Variants in CSF2RA observed in about 807,000 individuals in gnomAD.
The protein encoded by CSF2RA is colony stimulating factor 2 receptor subunit alpha.
A neutral mutation model predicts 51.6 loss-of-function variants in CSF2RA; 42 were observed. That is an observed-to-expected ratio of 0.81 (90% CI 0.64 to 1.05). CSF2RA has a LOEUF of 1.05. Ranked by LOEUF, CSF2RA falls within the 50% of genes least tolerant of loss-of-function variation. The pLI is 0.00. For synonymous variants in CSF2RA, 222 were observed against 193.0 expected (o/e 1.15, Z -1.24); for missense variants, 530 against 501.1 (o/e 1.06, Z -0.55).
rs1320063916 is a variant in CSF2RA at position 1,275,348 on chromosome X, G to A, written c.-27+530G>A. 2.0e-5 allele frequency among the ~76,000 whole-genome samples: 3 copies of A among 151,444 alleles called. No homozygotes were observed. The Admixed American group carries it at 2.0e-4, about 10-fold the overall frequency. On this transcript the variant is annotated intron_variant, in intron 2 of 12. Coordinates refer to ENST00000381529, the MANE Select transcript of CSF2RA (RefSeq NM_172245.4). ...GTAGGTTGCAGTGAGCCAAGATCGC[G>A]CCACTGCACTCCAGCCTGGGCAACA... is the stretch of plus-strand genomic sequence containing the variant.
At chrX:1,272,625 T>C (rs1442866784) in intron 1 of CSF2RA, among the ~76,000 whole-genome samples, 17 of 150,910 alleles carry the variant, frequency 1.1e-4, no homozygotes, top group African/African-American at 3.6e-4. Context: ...GTAGCTGCGA[T>C]TACAGGCACC....
chrX:1,325,039 A>G, the CSF2RA span, among the ~76,000 whole-genome samples: 1 of 151,788 alleles, frequency 6.6e-6, no homozygotes. Flanking sequence ...TTTTCCAGAG[A>G]GGTGTACCTG....
chrX:1,301,535 C>T (rs187903608), intron 10 of CSF2RA, among the ~76,000 whole-genome samples: 7 of 150,474 alleles, frequency 4.7e-5, no homozygotes, highest in Admixed American at 3.3e-4. Context: ...AGTCTTTGTC[C>T]GGTCAAACCG....
chrX:1,283,155 G>GTTCC (rs2090244825), intron 3 of CSF2RA, among the ~76,000 whole-genome samples: 3 of 68,148 alleles, frequency 4.4e-5, no homozygotes, highest in African/African-American at 1.5e-4. Flanking sequence ...TCCTTCCTTC[G>GTTCC]TTCCTTCCTT....
chrX:1,294,544 A>G, intron 8 of CSF2RA, 83 bp downstream of exon 8: 1 of 1,587,154 alleles, frequency 6.3e-7, no homozygotes, highest in African/African-American at 1.3e-5. Flanking sequence ...ATCCCGGGGA[A>G]GTGGCCTGGG....
At chrX:1,311,668 T>TC (rs746640519), downstream of CSF2RA, among the ~76,000 whole-genome samples, 1,785 of 152,234 alleles carry the variant, frequency 0.012, 39 homozygotes, top group African/African-American at 0.041. Flanking sequence ...CTGGTCTCCA[T>TC]CTGACCTCGT....
At chrX:1,324,428 GAA>G in the CSF2RA span, among the ~76,000 whole-genome samples, 2 of 114,918 alleles carry the variant, frequency 1.7e-5, no homozygotes, top group African/African-American at 5.7e-5. Flanking sequence ...GAAAAAGAAA[GAA>G]GAGAGAGAGA....
chrX:1,317,594 G>A, the CSF2RA span, among the ~76,000 whole-genome samples: 1 of 147,328 alleles, frequency 6.8e-6, no homozygotes, highest in African/African-American at 2.5e-5. Flanking sequence ...TTGAGACGGA[G>A]TCTTGCTCTT....
In CSF2RA at chrX:1,309,751, G is replaced by T; in HGVS notation, c.*272G>T. The T allele has an allele frequency of 1.4e-6, 1 of 695,460 alleles. No individual in the cohort carries two copies. The highest frequency in any genetic ancestry group is 1.7e-5 in the South Asian group (1 of 60,472). The allele number at this position is 695,460 out of a possible 1,614,324, so 43.1% of individuals were successfully genotyped here. On this transcript the variant is annotated 3_prime_UTR_variant, in exon 13 of 13. Transcript: ENST00000381529. ...AAAATGCAGAAATTTACCCAGGCAC[G>T]GCGGCGGACGCCCATCATCCCAGCT...
At chrX:1,311,621 G>T (rs181410890), downstream of CSF2RA, among the ~76,000 whole-genome samples, 3 of 151,766 alleles carry the variant, frequency 2.0e-5, no homozygotes, top group African/African-American at 7.3e-5. Context: ...TTTGTTTTGT[G>T]TTTTAGTAGA....
intron 10 of CSF2RA, among the ~76,000 whole-genome samples, 193 bp from the exon 11 acceptor site, chrX:1,303,728 TAG>T (rs1491537322): frequency 6.6e-6 from 1 of 152,008 alleles, no homozygotes; most frequent in Non-Finnish European, 1.5e-5. Context: ...GGGCAAAACA[TAG>T]GGCAGGCAGG....
chrX:1,284,196 T>TC lies in CSF2RA; in HGVS notation c.76+1417_76+1418insC, dbSNP rs201041623. On this transcript the variant is annotated intron_variant, in intron 3 of 12. Coordinates refer to ENST00000381529, the MANE Select transcript of CSF2RA (RefSeq NM_172245.4). ...AAGCGGTTTTCTTTCTCTGTCTCTC[T>TC]TTTTTTTTTTTTTTTTTTTTTTTTT... is the stretch of plus-strand genomic sequence containing the variant. Among the ~76,000 whole-genome samples the TC allele has an allele frequency of 2.3e-3, 40 of 17,154 alleles. 2 individuals carry two copies. Among genetic ancestry groups the TC allele is most frequent in the African/African-American group, 4.2e-3 (35 of 8,334 alleles). The allele number at this position is 17,154 out of a possible 152,430, so 11.3% of individuals were successfully genotyped here. A position where few individuals can be genotyped will look rare whatever the true frequency, so the allele number is the denominator to read the frequency against.
intron 4 of CSF2RA, among the ~76,000 whole-genome samples, chrX:1,287,957 G>C (rs59312328): frequency 9.9e-4 from 146 of 147,362 alleles, no homozygotes; most frequent in African/African-American, 3.0e-3. Flanking sequence ...GGCTGGTCTT[G>C]AACTCCTGAC....
At chrX:1,303,475 G>A in intron 10 of CSF2RA, 1 of 457,794 alleles carries the variant, frequency 2.2e-6, no homozygotes, top group Non-Finnish European at 3.9e-6. Context: ...CCTGACCTCA[G>A]ATGATGCGCC....
At chrX:1,280,010 G>A (rs1222128102) in intron 2 of CSF2RA, among the ~76,000 whole-genome samples, 8 of 151,758 alleles carry the variant, frequency 5.3e-5, no homozygotes, top group African/African-American at 1.7e-4. Context: ...AGCTGGTCCC[G>A]AACTCCTGAC....
At chrX:1,301,130 G>T (rs1308794557) in intron 10 of CSF2RA, among the ~76,000 whole-genome samples, 2 of 150,716 alleles carry the variant, frequency 1.3e-5, no homozygotes. Context: ...TCCAGCCTGG[G>T]TGACAGCGTG....
intron 3 of CSF2RA, among the ~76,000 whole-genome samples, chrX:1,284,192 T>TCC (rs2090365256): frequency 3.4e-5 from 4 of 117,974 alleles, no homozygotes; most frequent in Admixed American, 9.7e-5. Context: ...TTTCTCTGTC[T>TCC]CTCTTTTTTT....
At chrX:1,323,576 G>T in the CSF2RA span, among the ~76,000 whole-genome samples, 3 of 152,048 alleles carry the variant, frequency 2.0e-5, no homozygotes, top group Admixed American at 2.0e-4. Flanking sequence ...ACCTCGAGAA[G>T]TGGGAAGAGC....
At chrX:1,283,862 C>G (rs1398402877) in intron 3 of CSF2RA, among the ~76,000 whole-genome samples, 1 of 152,086 alleles carries the variant, frequency 6.6e-6, no homozygotes, top group Non-Finnish European at 1.5e-5. Context: ...AGCCGCCACA[C>G]CCAGCCTCTT....
Sources: allele counts gnomAD v4.1 joint callset (sites outside exome capture counted in the v4.1 genomes callset), GRCh38; gene constraint gnomAD v4.1.1; transcripts MANE v1.5; gene names NCBI Gene and HGNC (gene_info 2026-07-23, HGNC 2026-07-21).